FHIP1A: variants seen among roughly 807,000 people sequenced by gnomAD.
FHIP1A encodes FHF complex subunit HOOK-interacting protein 1A.
Under a neutral mutation model 88.6 loss-of-function variants are expected in FHIP1A, and 61 were observed. The observed-to-expected ratio is 0.69, with a 90% confidence interval of 0.56 to 0.85. The LOEUF (loss-of-function observed/expected upper bound fraction) is 0.85, where lower values mean the gene tolerates loss of function less well. FHIP1A is among the 40% of genes least tolerant of loss of function. The pLI, the probability that FHIP1A is intolerant of heterozygous loss-of-function variation, is 0.00. For missense variants in FHIP1A, 1,154 were observed against 1,273.5 expected (o/e 0.91, Z 1.43); for synonymous variants, 478 against 496.0 (o/e 0.96, Z 0.48).
At chr4:151,427,303 TTTG>T (rs1733418892) in intron 1 of FHIP1A, among the ~76,000 whole-genome samples, 1 of 152,160 alleles carries the variant, frequency 6.6e-6, no homozygotes, top group Non-Finnish European at 1.5e-5. Flanking sequence ...TTATATTGAG[TTTG>T]TTTCTTTCCA....
At chr4:151,507,040 T>C (rs541114817) in intron 3 of FHIP1A, among the ~76,000 whole-genome samples, 16 of 152,250 alleles carry the variant, frequency 1.1e-4, no homozygotes, top group South Asian at 4.1e-4. Context: ...TGTTTCTAGT[T>C]GAGATTTCCT....
rs1231191644 is a variant in FHIP1A, at chr4:151,650,556, C to T, written c.2515C>T (p.Arg839Cys). The T allele has an allele frequency of 9.7e-6, 15 of 1,551,004 alleles. No homozygotes were observed. The highest frequency in any genetic ancestry group is 2.4e-5 in the South Asian group (2 of 83,970). Residue 839 changes from arginine to cysteine, a missense_variant, in exon 11 of 14, where the codon CGC becomes TGC. Transcript: ENST00000435205. ...VGRDEAAFAS[R>C]HPVRTQSTPF... The stretch of plus-strand genomic sequence containing the variant: ...GAGAGATGAGGCTGCCTTTGCCAGT[C>T]GCCATCCCGTGAGGACTCAAAGCAC...
At chr4:151,575,204 G>A (rs902156110) in intron 4 of FHIP1A, among the ~76,000 whole-genome samples, 3 of 152,140 alleles carry the variant, frequency 2.0e-5, no homozygotes, top group African/African-American at 7.2e-5. Context: ...GCTCTCCTAA[G>A]TAAACTCAAT....
At chr4:151,565,264 G>C (rs1232088552) in intron 3 of FHIP1A, among the ~76,000 whole-genome samples, 1 of 152,030 alleles carries the variant, frequency 6.6e-6, no homozygotes, top group African/African-American at 2.4e-5. Flanking sequence ...CTGCCTTACT[G>C]CTTTCGTCAG....
chr4:151,471,557 ATGTT>A (rs1315976834), intron 2 of FHIP1A, among the ~76,000 whole-genome samples: 5 of 152,100 alleles, frequency 3.3e-5, no homozygotes, highest in Non-Finnish European at 7.4e-5. Context: ...CTTTTTAGAA[ATGTT>A]TGTTAGTCCA....
At chr4:151,470,381 C>T (rs989287368) in intron 2 of FHIP1A, among the ~76,000 whole-genome samples, 1 of 152,148 alleles carries the variant, frequency 6.6e-6, no homozygotes, top group Non-Finnish European at 1.5e-5. Context: ...AAGGAATATT[C>T]GTGCTTAGAA....
chr4:151,472,215 A>C (rs562616452), intron 2 of FHIP1A, among the ~76,000 whole-genome samples: 1 of 152,198 alleles, frequency 6.6e-6, no homozygotes, highest in Non-Finnish European at 1.5e-5. Context: ...CTGGTGACCT[A>C]TGATCTGATT....
chr4:151,546,037 TGTGG>T (rs1292993489), intron 3 of FHIP1A, among the ~76,000 whole-genome samples: 1 of 152,130 alleles, frequency 6.6e-6, no homozygotes, highest in Non-Finnish European at 1.5e-5. Context: ...GAGATCAGTA[TGTGG>T]GTGGGTGGGC....
At chr4:151,498,597 C>T (rs1472287554) in intron 3 of FHIP1A, among the ~76,000 whole-genome samples, 1 of 152,054 alleles carries the variant, frequency 6.6e-6, no homozygotes, top group South Asian at 2.1e-4. Flanking sequence ...GGGCGGATCA[C>T]GAGGTCAGGA....
At chr4:151,469,645 T>A (rs1729442676) in intron 2 of FHIP1A, among the ~76,000 whole-genome samples, 1 of 152,218 alleles carries the variant, frequency 6.6e-6, no homozygotes, top group South Asian at 2.1e-4. Flanking sequence ...TACTGGCACA[T>A]TAAATCATTA....
At chr4:151,429,335 T>G (rs1217262588) in intron 1 of FHIP1A, among the ~76,000 whole-genome samples, 1 of 152,168 alleles carries the variant, frequency 6.6e-6, no homozygotes, top group Non-Finnish European at 1.5e-5. Context: ...CATGAAAGAA[T>G]GGAATTAGAT....
intron 3 of FHIP1A, among the ~76,000 whole-genome samples, chr4:151,509,267 A>C (rs930318674): frequency 6.6e-6 from 1 of 151,982 alleles, no homozygotes; most frequent in African/African-American, 2.4e-5. Context: ...GGTTCACGCC[A>C]TTCTCCTGCC....
intron 3 of FHIP1A, among the ~76,000 whole-genome samples, chr4:151,548,450 CA>C (rs149351566): frequency 6.6e-6 from 1 of 152,222 alleles, no homozygotes; most frequent in Non-Finnish European, 1.5e-5. Context: ...GAGGTCAGCA[CA>C]AGTTATAGGT....
chr4:151,521,076 G>A (rs535312988), intron 3 of FHIP1A, among the ~76,000 whole-genome samples: 45 of 152,248 alleles, frequency 3.0e-4, no homozygotes, highest in African/African-American at 9.9e-4. Flanking sequence ...TTTTGTATAT[G>A]GTAATCAGAA....
chr4:151,488,905 T>C (rs959228997), intron 3 of FHIP1A, among the ~76,000 whole-genome samples: 6 of 152,168 alleles, frequency 3.9e-5, no homozygotes, highest in Non-Finnish European at 8.8e-5. Context: ...TAACTCGAGC[T>C]GGTGGAGAGA....
At chr4:151,539,084 CTA>C (rs1732173284) in intron 3 of FHIP1A, among the ~76,000 whole-genome samples, 1 of 152,156 alleles carries the variant, frequency 6.6e-6, no homozygotes, top group African/African-American at 2.4e-5. Context: ...TAACCTTAGG[CTA>C]TATAGATAGC....
intron 3 of FHIP1A, among the ~76,000 whole-genome samples, chr4:151,550,474 A>G (rs1430427087): frequency 6.6e-6 from 1 of 152,166 alleles, no homozygotes; most frequent in African/African-American, 2.4e-5. Flanking sequence ...GTAGAGTAAA[A>G]GCCAGTTTTT....
chr4:151,502,816 T>C lies in FHIP1A; in HGVS notation c.-123+20168T>C, dbSNP rs183726672. Among the ~76,000 whole-genome samples the C allele has an allele frequency of 3.0e-3, 461 of 152,328 alleles. 2 individuals carry two copies. Among genetic ancestry groups the C allele is most frequent in the African/African-American group, 0.011 (448 of 41,584 alleles). On this transcript the variant is annotated intron_variant, in intron 3 of 13. Transcript: ENST00000435205. ...GGACAACTAAAAACACTCTACTGGC[T>C]GCAGACCAGAGAATGCTAGAGAGGT... is the stretch of plus-strand genomic sequence containing the variant.
At chr4:151,421,473 T>TA (rs113916787) in intron 1 of FHIP1A, among the ~76,000 whole-genome samples, 23 of 152,198 alleles carry the variant, frequency 1.5e-4, no homozygotes, top group African/African-American at 5.3e-4. Context: ...TTTTAAAATT[T>TA]AAAAAAATTT....
Sources: gnomAD v4.1 joint callset for allele counts (sites outside exome capture counted in the v4.1 genomes callset) on GRCh38, gnomAD v4.1.1 for gene constraint, MANE v1.5 for transcripts, NCBI Gene and HGNC (gene_info 2026-07-23, HGNC 2026-07-21) for gene names.